Variants in ADAMTS13 observed in about 807,000 individuals in gnomAD.
The protein encoded by ADAMTS13 is ADAM metallopeptidase with thrombospondin type 1 motif 13, also known as A disintegrin and metalloproteinase with thrombospondin motifs 13.
Under a neutral mutation model 155.1 loss-of-function variants are expected in ADAMTS13, and 110 were observed. The ratio of observed to expected loss-of-function variants is 0.71; its 90% CI spans 0.61 to 0.83. ADAMTS13 has a LOEUF of 0.83. Ranked by LOEUF, ADAMTS13 falls within the 40% of genes least tolerant of loss-of-function variation. The pLI is 0.00. For missense variants in ADAMTS13, 1,707 were observed against 1,891.7 expected, an observed-to-expected ratio of 0.90 and a Z score of 1.81; for synonymous variants, 758 against 756.4, an observed-to-expected ratio of 1.00 and a Z score of -0.03.
upstream of ADAMTS13, among the ~76,000 whole-genome samples, chr9:133,418,555 G>A (rs973989450): frequency 2.0e-5 from 3 of 152,216 alleles, no homozygotes; most frequent in African/African-American, 7.2e-5. Flanking sequence ...GCAGACTCAC[G>A]TCTCCAAAAA....
At chr9:133,452,106 G>T (rs1842468894) in intron 23 of ADAMTS13, among the ~76,000 whole-genome samples, 1 of 145,846 alleles carries the variant, frequency 6.9e-6, no homozygotes, top group African/African-American at 2.5e-5. Flanking sequence ...TTTCTACTGG[G>T]TTTTTTTCTT....
rs370215524 is a variant in ADAMTS13 at position 133,437,853 on chromosome 9, C to T, written c.1540C>T (p.Arg514Trp). 4.2e-5 allele frequency: 67 copies of T among 1,613,732 alleles called. No individual in the cohort carries two copies. The highest frequency in any genetic ancestry group is 5.5e-5 in the South Asian group (5 of 91,082). The change falls in exon 13 of 29, where the codon CGG becomes TGG. Residue 514 changes from arginine (R) to tryptophan (W), a missense_variant. Transcript: ENST00000355699. ...GACCCGGTGTATGCCAAGTGGCCCC[C>T]GGGAGGACGGGACCCTGAGCCTGTG... ...DGTRCMPSGP[R>W]EDGTLSLCVS...
intron 11 of ADAMTS13, 25 bp downstream of exon 11, chr9:133,433,729 G>C: frequency 6.2e-7 from 1 of 1,610,658 alleles, no homozygotes; most frequent in Non-Finnish European, 8.5e-7. Context: ...TGGGGTAGGA[G>C]GGGGCAGCTG....
rs1840033158 is a variant in ADAMTS13 at position 133,422,762 on chromosome 9, AACAG to A, written c.105+220_105+223del. 2.6e-5 allele frequency among the ~76,000 whole-genome samples: 4 copies of A among 151,866 alleles called. No homozygotes were observed. The South Asian group carries it at 8.3e-4, about 32-fold the overall frequency. On this transcript the variant is annotated intron_variant, in intron 1 of 28. Coordinates refer to ENST00000355699, the MANE Select transcript of ADAMTS13 (RefSeq NM_139027.6). ...ACGACCTGCTCATTCGGTGAAGCTG[AACAG>A]ACAGATACTAGTTTGTCCCAAACTG...
intron 8 of ADAMTS13, 60 bp downstream of exon 8, chr9:133,430,161 A>C: frequency 5.1e-5 from 79 of 1,537,972 alleles, no homozygotes; most frequent in Non-Finnish European, 6.5e-5. Context: ...CACCCAGCTC[A>C]CGTCCCCCAA....
upstream of ADAMTS13, among the ~76,000 whole-genome samples, chr9:133,419,047 G>A (rs753719531): frequency 1.6e-4 from 24 of 152,246 alleles, no homozygotes; most frequent in Non-Finnish European, 2.8e-4. Context: ...CGCCACGTTG[G>A]CCAGGCTGTC....
intron 27 of ADAMTS13, among the ~76,000 whole-genome samples, chr9:133,457,422 T>A (rs1484928256): frequency 1.3e-5 from 2 of 152,180 alleles, no homozygotes; most frequent in Admixed American, 6.5e-5. Context: ...GCACAGGCGC[T>A]GCTGGGCCCT....
intron 1 of ADAMTS13, 83 bp downstream of exon 1, chr9:133,422,631 A>G (rs1307009780): frequency 7.3e-7 from 1 of 1,369,896 alleles, no homozygotes. Context: ...GGGAGTGCCA[A>G]ATAGCTGACT....
intron 23 of ADAMTS13, among the ~76,000 whole-genome samples, chr9:133,450,773 CAA>C (rs1842390700): frequency 6.6e-6 from 1 of 152,052 alleles, no homozygotes; most frequent in Admixed American, 6.6e-5. Context: ...CAAAACAAAA[CAA>C]GACGGGGTGG....
At chr9:133,447,975 C>T (rs1296181933) in intron 21 of ADAMTS13, among the ~76,000 whole-genome samples, 1 of 151,280 alleles carries the variant, frequency 6.6e-6, no homozygotes, top group Admixed American at 6.6e-5. Flanking sequence ...CAGAGATTTT[C>T]ATATTGTGAT....
At position 133,424,279 on chromosome 9, in the gene ADAMTS13, T is replaced by C; in HGVS notation, c.173-42T>C. On this transcript the variant is annotated intron_variant, in intron 2 of 28. Transcript: ENST00000355699. This position sits in a 1 kb window ranked among gnomAD's most constrained non-coding sequence, Gnocchi z 4.3. ...TTCCTGTTAGCTTTCCACTGCTTGC[T>C]CTCTAGAACCATCGCCCTCTGCTCT... 1 of 1,607,290 alleles carries C rather than the reference T, an allele frequency of 6.2e-7. No individual in the cohort carries two copies. The highest frequency in any genetic ancestry group is 8.5e-7 in the Non-Finnish European group (1 of 1,179,746).
Position 133,437,736 on chromosome 9 carries a change from T to A in ADAMTS13, c.1436-13T>A. Reference sequence around the variant, plus strand: ...CTCGGTTCAGGACACCCTTTTTCACTCTGCCCTCCCAGGGGATGCTCTGTG... The same window carrying A: ...CTCGGTTCAGGACACCCTTTTTCACACTGCCCTCCCAGGGGATGCTCTGTG... On this transcript the variant is annotated splice_polypyrimidine_tract_variant and intron_variant, in intron 12 of 28. Transcript: ENST00000355699. 6.2e-7 allele frequency: 1 copy of A among 1,613,636 alleles called. No homozygotes were observed. The highest frequency in any genetic ancestry group is 8.5e-7 in the Non-Finnish European group (1 of 1,180,022).
Position 133,445,611 on chromosome 9 carries a change from C to T in ADAMTS13, c.2611-88C>T. 1 of 1,604,616 alleles carries T rather than the reference C, an allele frequency of 6.2e-7. No homozygotes were observed. Among genetic ancestry groups the T allele is most frequent in the Non-Finnish European group, 8.5e-7 (1 of 1,175,616 alleles). ...GTGCACACACGCCACTTCCTGGTCT[C>T]TCTGCTGCTGCCTGAGAAGATCGAG... is the stretch of plus-strand genomic sequence containing the variant. On this transcript the variant is annotated intron_variant, in intron 20 of 28. Coordinates refer to ENST00000355699, the MANE Select transcript of ADAMTS13 (RefSeq NM_139027.6). The surrounding 1 kb of genome is among the most constrained non-coding windows in gnomAD (Gnocchi z 5.0).
intron 18 of ADAMTS13, among the ~76,000 whole-genome samples, chr9:133,443,037 C>G (rs913845085): frequency 5.3e-5 from 8 of 152,208 alleles, no homozygotes; most frequent in Non-Finnish European, 8.8e-5. Context: ...CTCAGGTACT[C>G]ATGGTGAGAT....
intron 6 of ADAMTS13, among the ~76,000 whole-genome samples, 174 bp from the exon 7 acceptor site, chr9:133,428,460 C>T (rs1361139922): frequency 6.6e-6 from 1 of 152,224 alleles, no homozygotes; most frequent in African/African-American, 2.4e-5. Flanking sequence ...ACGCGACCCT[C>T]TCCACTGCGC....
At chr9:133,414,356 C>T (rs1045600442), upstream of ADAMTS13, 14 of 578,464 alleles carry the variant, frequency 2.4e-5, no homozygotes, top group South Asian at 4.6e-5. Context: ...CCCCAAACCA[C>T]CCAACTGGCG....
At position 133,430,042 on chromosome 9, in the gene ADAMTS13, C is replaced by A; in HGVS notation, c.928C>A (p.Gln310Lys). 6.3e-7 allele frequency: 1 copy of A among 1,595,722 alleles called. No homozygotes were observed. ...QPGLYYSANE[Q>K]CRVAFGPKAV... ...TGGCCTCTACTACAGCGCCAACGAG[C>A]AGTGCCGCGTGGCCTTCGGCCCCAA... Residue 310 changes from glutamine (Q) to lysine (K), a missense_variant, in exon 8 of 29, where the codon CAG becomes AAG. By Grantham distance (53) the Gln-to-Lys change is moderately conservative. Around this residue, in one of 3 missense-constraint regions of ADAMTS13, gnomAD observed 733 missense variants for 749.6 expected, o/e 0.98. Transcript: ENST00000355699.
intron 7 of ADAMTS13, among the ~76,000 whole-genome samples, chr9:133,429,537 A>G (rs1319311701): frequency 2.7e-5 from 1 of 36,442 alleles, no homozygotes; most frequent in Non-Finnish European, 5.1e-5. Context: ...TCACCCCCTT[A>G]CCCTTCGTCT....
In ADAMTS13 at chr9:133,449,870, G is replaced by A; in HGVS notation, c.2949G>A (p.Glu983=). Residue 983 remains glutamate (E), a synonymous_variant, in exon 23 of 29, where the codon GAG becomes GAA. Coordinates refer to ENST00000355699, the MANE Select transcript of ADAMTS13 (RefSeq NM_139027.6). ...TGTATTGTGCCCGGGCCCATGGGGA[G>A]GACGATGGTGAGGAGATCCTGTTGG... is the stretch of plus-strand genomic sequence containing the variant. ...RILYCARAHG[E]DDGEEILLDT... is the part of the protein sequence containing the mutation. 1 of 1,614,070 alleles carries A rather than the reference G, an allele frequency of 6.2e-7. No homozygotes were observed. Among genetic ancestry groups the A allele is most frequent in the East Asian group, 2.2e-5 (1 of 44,868 alleles).
Sources: gnomAD v4.1 joint callset for allele counts (sites outside exome capture counted in the v4.1 genomes callset) on GRCh38, gnomAD v4.1.1 for gene constraint, gnomAD v4.1.1 regional missense constraint, Gnocchi (gnomAD v3.1) non-coding constraint, MANE v1.5 for transcripts, NCBI Gene and HGNC (gene_info 2026-07-23, HGNC 2026-07-21) for gene names.